KIF26A: variants seen among roughly 807,000 people sequenced by gnomAD.
KIF26A encodes the protein kinesin-like protein KIF26A.
A neutral mutation model predicts 126.0 loss-of-function variants in KIF26A; 74 were observed. The observed-to-expected ratio is 0.59, with a 90% CI of 0.49 to 0.71. The LOEUF (loss-of-function observed/expected upper bound fraction) is 0.71, where lower values mean the gene tolerates loss of function less well. Ranked by LOEUF, KIF26A falls within the 30% of genes least tolerant of loss-of-function variation. KIF26A has a pLI of 0.00. For missense variants in KIF26A, 2,984 were observed against 2,763.3 expected (o/e 1.08, Z -1.79); for synonymous variants, 1,445 against 1,232.7 (o/e 1.17, Z -3.61).
intron 5 of KIF26A, 88 bp from the exon 6 acceptor site, chr14:104,171,635 C>G (rs2037957709): frequency 2.6e-6 from 3 of 1,171,178 alleles, no homozygotes; most frequent in Non-Finnish European, 3.6e-6. Context: ...GGCCCGCTGT[C>G]CCCACCTGAG....
At position 104,179,403 on chromosome 14, in the gene KIF26A, C is replaced by T. The variant is rs565338163; in HGVS notation, c.5467+17C>T. 5.4e-6 allele frequency: 8 copies of T among 1,488,702 alleles called. No individual in the cohort carries two copies. In the South Asian group the frequency reaches 8.0e-5, roughly 15 times the overall value. The allele number at this position is 1,488,702 out of a possible 1,614,324, so 92.2% of individuals were successfully genotyped here. On this transcript the variant is annotated intron_variant, in intron 14 of 14. Coordinates refer to ENST00000423312, the MANE Select transcript of KIF26A (RefSeq NM_015656.2). ...TGGAGCAGTGTGAGTCCCGCCCGCC[C>T]ACGGACCCAGCCCGGCCCACCGTGT...
intron 2 of KIF26A, among the ~76,000 whole-genome samples, chr14:104,149,677 C>T (rs559152406): frequency 1.9e-4 from 29 of 152,296 alleles, no homozygotes; most frequent in African/African-American, 6.5e-4. Context: ...CTGGCCAGCC[C>T]GTGGTGGGTG....
rs770331195 is a variant in KIF26A, at chr14:104,176,599, C to T, written c.3811C>T (p.Pro1271Ser). 6.2e-7 allele frequency: 1 copy of T among 1,608,966 alleles called. No homozygotes were observed. Among genetic ancestry groups the T allele is most frequent in the Non-Finnish European group, 8.5e-7 (1 of 1,179,586 alleles). Residue 1271 changes from proline (P) to serine (S), a missense_variant, in exon 12 of 15, where the codon CCT becomes TCT. Coordinates refer to ENST00000423312, the MANE Select transcript of KIF26A (RefSeq NM_015656.2). ...PSPTLGSPRL[P>S]EAQVMLACAQ... ...CCCCACACTTGGCTCCCCCCGGCTGCCTGAGGCCCAGGTGATGCTAGCCTG... is the reference window on the plus strand; with the variant it reads ...CCCCACACTTGGCTCCCCCCGGCTGTCTGAGGCCCAGGTGATGCTAGCCTG...
Position 104,176,822 on chromosome 14 carries a change from G to T in KIF26A, c.4034G>T (p.Gly1345Val). Reference protein sequence around the residue: ...SLKASPTSKKGLAPKAGFLPR... With the variant: ...SLKASPTSKKVLAPKAGFLPR... ...AAGGCCTCCCCCACCAGCAAGAAGG[G>T]TCTGGCTCCCAAGGCGGGCTTCCTC... The change falls in exon 12 of 15, where the codon GGT (glycine) becomes GTT (valine). Residue 1345 changes from glycine (G) to valine (V), a missense_variant. Physicochemically the swap from Gly to Val is moderately radical, Grantham distance 109. Coordinates refer to ENST00000423312, the MANE Select transcript of KIF26A (RefSeq NM_015656.2). 6.4e-7 allele frequency: 1 copy of T among 1,555,542 alleles called. No homozygotes were observed. Among genetic ancestry groups the T allele is most frequent in the Non-Finnish European group, 8.7e-7 (1 of 1,151,176 alleles).
At chr14:104,141,024 G>C (rs1307687133) in intron 2 of KIF26A, among the ~76,000 whole-genome samples, 1 of 152,210 alleles carries the variant, frequency 6.6e-6, no homozygotes, top group Non-Finnish European at 1.5e-5. Context: ...ACAGGGCATG[G>C]GGGGCTGCAC....
At chr14:104,162,924 C>T (rs374150228) in intron 4 of KIF26A, among the ~76,000 whole-genome samples, 5 of 152,152 alleles carry the variant, frequency 3.3e-5, no homozygotes, top group Admixed American at 6.5e-5. Context: ...CCCTTCCCCC[C>T]GCCCCGCCCC....
intron 3 of KIF26A, among the ~76,000 whole-genome samples, chr14:104,157,277 G>A (rs182862554): frequency 3.2e-4 from 48 of 152,294 alleles, no homozygotes; most frequent in Admixed American, 7.8e-4. Flanking sequence ...ACACATCACC[G>A]TACGTGGGGC....
chr14:104,172,250 C>T (rs1026024988), intron 6 of KIF26A, among the ~76,000 whole-genome samples: 1 of 152,242 alleles, frequency 6.6e-6, no homozygotes, highest in African/African-American at 2.4e-5. Flanking sequence ...GTGCTCCCTG[C>T]CCATGCTGAG....
Position 104,178,775 on chromosome 14 carries a change from G to C in KIF26A, c.5316+20G>C. 1 of 1,402,296 alleles carries C rather than the reference G, an allele frequency of 7.1e-7. No homozygotes were observed. The highest frequency in any genetic ancestry group is 9.7e-7 in the Non-Finnish European group (1 of 1,030,232). 86.9% of individuals were successfully genotyped at this position (1,402,296 alleles called of 1,614,324 possible). A position where few individuals can be genotyped will look rare whatever the true frequency, so the allele number is the denominator to read the frequency against. On this transcript the variant is annotated intron_variant, in intron 13 of 14. Transcript: ENST00000423312. ...ACCCAGGTAGGGCCTTTGGTGGGCT[G>C]GGGTCTATGACCCCTGGTGGGGAGC...
intron 4 of KIF26A, among the ~76,000 whole-genome samples, chr14:104,166,343 G>A (rs1057122585): frequency 6.6e-6 from 1 of 152,128 alleles, no homozygotes; most frequent in African/African-American, 2.4e-5. Flanking sequence ...TGGGTGCCTT[G>A]AGTGTGTCAG....
At chr14:104,170,029 C>T (rs1012902225) in intron 5 of KIF26A, among the ~76,000 whole-genome samples, 1 of 152,214 alleles carries the variant, frequency 6.6e-6, no homozygotes, top group Middle Eastern at 3.2e-3. Context: ...GGGAGGCCCA[C>T]ACCCCCCTTC....
chr14:104,167,928 G>A (rs903642471), intron 5 of KIF26A, among the ~76,000 whole-genome samples: 2 of 152,192 alleles, frequency 1.3e-5, no homozygotes, highest in African/African-American at 4.8e-5. Context: ...CTTGGACCAC[G>A]ATTCCCAGGG....
In KIF26A at chr14:104,166,955, C is replaced by T. The variant is rs2037911429; in HGVS notation, c.1020C>T (p.Phe340=). 6.3e-7 allele frequency: 1 copy of T among 1,590,960 alleles called. No individual in the cohort carries two copies. The highest frequency in any genetic ancestry group is 1.3e-5 in the African/African-American group (1 of 74,452). ...TRGTSTYPTD[F]SGVLQLWPPP... Reference sequence around the variant, plus strand: ...GCACCTCCACCTACCCCACCGACTTCAGCGGGGTCCTGCAGCTGTGGCCGC... The same window carrying T: ...GCACCTCCACCTACCCCACCGACTTTAGCGGGGTCCTGCAGCTGTGGCCGC... Residue 340 remains phenylalanine (F), a synonymous_variant, in exon 5 of 15, where the codon TTC becomes TTT. Coordinates refer to ENST00000423312, the MANE Select transcript of KIF26A (RefSeq NM_015656.2).
At chr14:104,154,166 G>A (rs1328254855) in intron 3 of KIF26A, among the ~76,000 whole-genome samples, 1 of 152,136 alleles carries the variant, frequency 6.6e-6, no homozygotes, top group Non-Finnish European at 1.5e-5. Flanking sequence ...GAGATGCGCT[G>A]CAAATCTCCA....
rs748006156 is a variant in KIF26A at position 104,175,111 on chromosome 14, G to A, written c.2323G>A (p.Gly775Ser). The change falls in exon 12 of 15, where the codon GGT (glycine) becomes AGT (serine). Residue 775 changes from glycine (G) to serine (S), a missense_variant. Physicochemically the swap from Gly to Ser is moderately conservative, Grantham distance 56 (BLOSUM62 0). Coordinates refer to ENST00000423312, the MANE Select transcript of KIF26A (RefSeq NM_015656.2). ...CGACCGCACGCCTCCCTGCCTGCCC[G>A]GTGACCCCGATTACTCCTCCAGCAG... Reference protein sequence around the residue: ...DPDRTPPCLPGDPDYSSSSEQ... With the variant: ...DPDRTPPCLPSDPDYSSSSEQ... 2.7e-5 allele frequency: 43 copies of A among 1,604,796 alleles called. No individual in the cohort carries two copies. The East Asian group carries it at 5.4e-4, about 20-fold the overall frequency.
In KIF26A at chr14:104,177,087, C is replaced by T. The variant is rs113089140; in HGVS notation, c.4299C>T (p.Ala1433=). ...AGGTAGAAGCAGCACACCGTCTTGC[C>T]GGACACGCGTCTCTGGAGCGGTACG... ...ASKVEAAHRL[A]GHASLERYEG... is the part of the protein sequence containing the mutation. Residue 1433 remains alanine (A), a synonymous_variant, in exon 12 of 15, where the codon GCC becomes GCT. Coordinates refer to ENST00000423312, the MANE Select transcript of KIF26A (RefSeq NM_015656.2). The T allele has an allele frequency of 1.1e-3, 1,723 of 1,596,258 alleles. 18 individuals carry two copies. In the African/African-American group the frequency reaches 0.019, roughly 18 times the overall value.
At chr14:104,170,381 C>T (rs763301652) in intron 5 of KIF26A, among the ~76,000 whole-genome samples, 26 of 152,218 alleles carry the variant, frequency 1.7e-4, no homozygotes, top group Non-Finnish European at 1.8e-4. Context: ...TGCTGCTCCC[C>T]GGAGAGCGGG....
chr14:104,175,992 G>T lies in KIF26A; in HGVS notation c.3204G>T (p.Ser1068=), dbSNP rs1335885758. 1 of 1,581,592 alleles carries T rather than the reference G, an allele frequency of 6.3e-7. No individual in the cohort carries two copies. Reference sequence around the variant, plus strand: ...ACTGCTCCCTGCGGGCCCTGGCCTCGGGGTCCCGGCCAGTCAGCATCATCA... The same window carrying T: ...ACTGCTCCCTGCGGGCCCTGGCCTCTGGGTCCCGGCCAGTCAGCATCATCA... The part of the protein sequence containing the change: ...DSDCSLRALA[S]GSRPVSIISS... Residue 1068 remains serine (S), a synonymous_variant, in exon 12 of 15, where the codon TCG becomes TCT. Transcript: ENST00000423312.
intron 6 of KIF26A, among the ~76,000 whole-genome samples, chr14:104,172,295 C>T (rs79433632): frequency 0.044 from 6,642 of 152,338 alleles, 189 homozygotes; most frequent in Non-Finnish European, 0.063. Flanking sequence ...CGTCTCTCTG[C>T]GCGTGGTGGT....
Sources: gnomAD v4.1 joint callset for allele counts (sites outside exome capture counted in the v4.1 genomes callset) on GRCh38, gnomAD v4.1.1 for gene constraint, MANE v1.5 for transcripts, NCBI Gene and HGNC (gene_info 2026-07-23, HGNC 2026-07-21) for gene names.